The following USP18 variants were observed in gnomAD, a reference collection of about 807,000 sequenced individuals.
USP18 encodes ubl carboxyl-terminal hydrolase 18.
Under a neutral mutation model 48.7 loss-of-function variants are expected in USP18, and 11 were observed. That is an observed-to-expected ratio of 0.23 (90% CI 0.14 to 0.37). The LOEUF is 0.37. Ranked by LOEUF, USP18 falls within the 10% of genes least tolerant of loss-of-function variation. The pLI, the probability that USP18 is intolerant of heterozygous loss-of-function variation, is 1.00. For missense variants in USP18, 285 were observed against 436.4 expected (o/e 0.65, Z 3.09); for synonymous variants, 114 against 163.2 (o/e 0.70, Z 2.30).
At position 18,160,265 on chromosome 22, in the gene USP18, A is replaced by G; in HGVS notation, c.251A>G (p.Lys84Arg). 1 of 1,613,982 alleles carries G rather than the reference A, an allele frequency of 6.2e-7. No individual in the cohort carries two copies. The change falls in exon 3 of 11, where the codon AAG becomes AGG. Residue 84 changes from lysine to arginine, a missense_variant. Around this residue, in one of 5 missense-constraint regions of USP18, gnomAD observed 199 missense variants for 239.6 expected, o/e 0.83. Coordinates refer to ENST00000215794, the MANE Select transcript of USP18 (RefSeq NM_017414.4). ...AATGTGGACTTCACCAGGATATTGA[A>G]GAGGTAAGACTGTTCTTCAGGCTGA... ...VMNVDFTRILKRITVPRGADE... is the reference protein window; with the variant it reads ...VMNVDFTRILRRITVPRGADE...
intron 4 of USP18, among the ~76,000 whole-genome samples, chr22:18,162,743 A>C (rs1024312378): frequency 1.4e-4 from 21 of 152,104 alleles, no homozygotes; most frequent in Non-Finnish European, 2.5e-4. Context: ...GTGCACTTAC[A>C]CAAATTTAGA....
At chr22:18,150,287 C>T (rs1361018764) in intron 1 of USP18, 65 bp downstream of exon 1, 4 of 152,178 alleles carry the variant, frequency 2.6e-5, no homozygotes, top group Non-Finnish European at 5.9e-5. Flanking sequence ...GCTCCTATGC[C>T]AGTCAGATAA....
chr22:18,163,612 C>T (rs1193006066), intron 4 of USP18, among the ~76,000 whole-genome samples: 1 of 150,308 alleles, frequency 6.7e-6, no homozygotes, highest in Non-Finnish European at 1.5e-5. Flanking sequence ...CACTGCACTC[C>T]AGCCTGGGCC....
At position 18,157,801 on chromosome 22, in the gene USP18, G is replaced by A. The variant is rs774840211; in HGVS notation, c.138G>A (p.Arg46=). The A allele has an allele frequency of 1.3e-5, 21 of 1,614,042 alleles. No homozygotes were observed. The South Asian group carries it at 2.2e-4, about 17-fold the overall frequency. Residue 46 remains arginine (R), a synonymous_variant, in exon 2 of 11, where the codon AGG becomes AGA. Transcript: ENST00000215794. ...MKREQPRERP[R]AWDYPHGLVG... ...GAGAGCAGCCCAGAGAGCGTCCCAG[G>A]GCCTGGGACTACCCTCATGGTCATT... is the stretch of plus-strand genomic sequence containing the variant.
At position 18,167,441 on chromosome 22, in the gene USP18, T is replaced by C. The variant is rs995697112; in HGVS notation, c.480+107T>C. The C allele has an allele frequency of 9.8e-6, 13 of 1,331,878 alleles. No homozygotes were observed. The African/African-American group carries it at 1.6e-4, about 17-fold the overall frequency. The allele number at this position is 1,331,878 out of a possible 1,614,324, so 82.5% of individuals were successfully genotyped here. ...GAGGAATAAAAGAGTTAATCCCCTG[T>C]AATCCCAGCACTTTGGGAGGCTGAG... On this transcript the variant is annotated intron_variant, in intron 5 of 10. Transcript: ENST00000215794.
intron 6 of USP18, among the ~76,000 whole-genome samples, chr22:18,168,936 C>T (rs1929555049): frequency 6.6e-6 from 1 of 152,122 alleles, no homozygotes; most frequent in Non-Finnish European, 1.5e-5. Context: ...TCATACTGCT[C>T]CCTTAATAGG....
At chr22:18,153,194 C>T (rs191434183) in intron 1 of USP18, among the ~76,000 whole-genome samples, 7 of 152,166 alleles carry the variant, frequency 4.6e-5, no homozygotes, top group East Asian at 1.9e-4. Flanking sequence ...TTTGGGAGGC[C>T]GAGATGGGTG....
intron 4 of USP18, among the ~76,000 whole-genome samples, chr22:18,163,570 G>A (rs1929388011): frequency 1.3e-5 from 2 of 151,776 alleles, no homozygotes; most frequent in South Asian, 2.1e-4. Flanking sequence ...GTGAACCCGG[G>A]AGGCGGAGCT....
intron 1 of USP18, among the ~76,000 whole-genome samples, chr22:18,155,752 T>C (rs895803829): frequency 1.3e-5 from 2 of 152,348 alleles, no homozygotes; most frequent in East Asian, 3.9e-4. Flanking sequence ...TAGCCCGCCA[T>C]GCCTGAGCCT....
At chr22:18,154,608 A>G (rs361932) in intron 1 of USP18, among the ~76,000 whole-genome samples, 17,684 of 133,810 alleles carry the variant, frequency 0.13, 2,483 homozygotes, top group East Asian at 0.64. Flanking sequence ...CACTATGACC[A>G]TCTAAATTTT....
chr22:18,168,368 G>A (rs1929537383), intron 6 of USP18, among the ~76,000 whole-genome samples: 1 of 151,570 alleles, frequency 6.6e-6, no homozygotes, highest in Admixed American at 6.6e-5. Context: ...TCATTTATGA[G>A]GGCTGTGCCC....
chr22:18,169,704 C>T lies in USP18; in HGVS notation c.628-140C>T, dbSNP rs145514466. 1,157 of 1,052,576 alleles carry T rather than the reference C, an allele frequency of 1.1e-3. 14 individuals carry two copies. In the East Asian group the frequency reaches 0.023, roughly 21 times the overall value. The allele number at this position is 1,052,576 out of a possible 1,614,324, so 65.2% of individuals were successfully genotyped here. A position where few individuals can be genotyped will look rare whatever the true frequency, so the allele number is the denominator to read the frequency against. On this transcript the variant is annotated intron_variant, in intron 6 of 10. Coordinates refer to ENST00000215794, the MANE Select transcript of USP18 (RefSeq NM_017414.4). ...CCATGCTTCCGGTTGGCCTGCAGAA[C>T]CATGGGCCAATCAAACTTCTTTTCT...
intron 1 of USP18, among the ~76,000 whole-genome samples, chr22:18,155,492 G>A (rs1929106409): frequency 6.6e-6 from 1 of 152,228 alleles, no homozygotes; most frequent in Non-Finnish European, 1.5e-5. Flanking sequence ...CGAGGCTGGA[G>A]TGGGCTCCCT....
At chr22:18,157,144 C>G (rs2123728340) in intron 1 of USP18, among the ~76,000 whole-genome samples, 1 of 152,376 alleles carries the variant, frequency 6.6e-6, no homozygotes, top group East Asian at 1.9e-4. Context: ...GGCCAGAACA[C>G]GAGGCTGTTC....
intron 4 of USP18, among the ~76,000 whole-genome samples, chr22:18,164,021 A>G (rs367780960): frequency 1.3e-5 from 2 of 152,356 alleles, no homozygotes; most frequent in East Asian, 1.9e-4. Context: ...CTGCACTCAT[A>G]TTGAAACTGC....
At chr22:18,168,723 C>T (rs1024419223) in intron 6 of USP18, among the ~76,000 whole-genome samples, 1 of 152,230 alleles carries the variant, frequency 6.6e-6, no homozygotes, top group African/African-American at 2.4e-5. Flanking sequence ...TCCATACAGC[C>T]ACACTGGGGA....
At chr22:18,174,386 C>A (rs1037074008) in intron 10 of USP18, among the ~76,000 whole-genome samples, 1 of 151,344 alleles carries the variant, frequency 6.6e-6, no homozygotes, top group African/African-American at 2.4e-5. Context: ...TGCCACCACG[C>A]CCAGCTGATT....
intron 5 of USP18, among the ~76,000 whole-genome samples, 190 bp from the exon 6 acceptor site, chr22:18,167,697 CAAA>C (rs748332867): frequency 0.41 from 37,961 of 93,302 alleles, 4,600 homozygotes; most frequent in African/African-American, 0.43. Context: ...GACTCTGTCT[CAAA>C]AAAAAAAAAA....
intron 2 of USP18, among the ~76,000 whole-genome samples, chr22:18,158,675 C>T (rs1002360133): frequency 6.6e-6 from 1 of 152,162 alleles, no homozygotes; most frequent in Non-Finnish European, 1.5e-5. Context: ...TTGTTTTTCT[C>T]GTATTCTTAT....
Sources: gnomAD v4.1 joint callset for allele counts (sites outside exome capture counted in the v4.1 genomes callset) on GRCh38, gnomAD v4.1.1 for gene constraint, gnomAD v4.1.1 regional missense constraint, MANE v1.5 for transcripts, NCBI Gene and HGNC (gene_info 2026-07-23, HGNC 2026-07-21) for gene names.